The following LHFPL3 variants were observed in gnomAD, a reference collection of about 807,000 sequenced individuals.
LHFPL3 encodes the protein LHFPL tetraspan subfamily member 3.
Under a neutral mutation model 19.3 loss-of-function variants are expected in LHFPL3, and 5 were observed. The ratio of observed to expected loss-of-function variants is 0.26; its 90% CI spans 0.14 to 0.54. The LOEUF (loss-of-function observed/expected upper bound fraction) is 0.54. Among genes scored for constraint, LHFPL3 ranks in the 20% least tolerant of loss-of-function variants. The pLI, the probability that LHFPL3 is intolerant of heterozygous loss-of-function variation, is 0.94. For synonymous variants in LHFPL3, 133 were observed against 126.2 expected (o/e 1.05, Z -0.36); for missense variants, 249 against 307.4 (o/e 0.81, Z 1.42).
intron 1 of LHFPL3, among the ~76,000 whole-genome samples, chr7:104,338,809 G>A (rs1396106669): frequency 6.6e-6 from 1 of 152,016 alleles, no homozygotes; most frequent in Non-Finnish European, 1.5e-5. Flanking sequence ...AAAATGACAT[G>A]GCCCACCTCT....
chr7:104,592,584 T>C (rs367907536), intron 1 of LHFPL3, among the ~76,000 whole-genome samples: 2 of 152,282 alleles, frequency 1.3e-5, no homozygotes, highest in African/African-American at 2.4e-5. Context: ...CTATCTGTTC[T>C]CAGATCTCAA....
At chr7:104,831,462 A>G (rs1374574754) in intron 2 of LHFPL3, among the ~76,000 whole-genome samples, 1 of 152,018 alleles carries the variant, frequency 6.6e-6, no homozygotes, top group Non-Finnish European at 1.5e-5. Flanking sequence ...CTGGAACTAT[A>G]TATGTCAATT....
At chr7:104,737,679 G>C (rs562371698) in intron 2 of LHFPL3, among the ~76,000 whole-genome samples, 75 of 152,232 alleles carry the variant, frequency 4.9e-4, no homozygotes, top group African/African-American at 1.7e-3. Context: ...GAATTTTGGT[G>C]TCTCTGTTTT....
chr7:104,587,696 C>G lies in LHFPL3; in HGVS notation c.446-148979C>G, dbSNP rs542019877. Among the ~76,000 whole-genome samples the G allele has an allele frequency of 1.6e-3, 240 of 152,084 alleles. 2 individuals carry two copies. Among genetic ancestry groups the G allele is most frequent in the African/African-American group, 5.0e-3 (206 of 41,490 alleles). ...TCTAGATCCCTGAGGAATCGCCACACTGACTTCCACAATGGTTGAACTAGT... is the reference window on the plus strand; with the variant it reads ...TCTAGATCCCTGAGGAATCGCCACAGTGACTTCCACAATGGTTGAACTAGT... On this transcript the variant is annotated intron_variant, in intron 1 of 2. Coordinates refer to ENST00000424859, the MANE Select transcript of LHFPL3 (RefSeq NM_199000.3).
At chr7:104,393,990 A>C (rs1433672033) in intron 1 of LHFPL3, among the ~76,000 whole-genome samples, 1 of 152,164 alleles carries the variant, frequency 6.6e-6, no homozygotes, top group African/African-American at 2.4e-5. Context: ...ATTTCTTGGG[A>C]GGCTGATGAG....
chr7:104,440,039 G>GGGGC (rs1554394369), intron 1 of LHFPL3, among the ~76,000 whole-genome samples: 16 of 88,224 alleles, frequency 1.8e-4, no homozygotes, highest in African/African-American at 1.1e-3. Flanking sequence ...AAAGCCTGGG[G>GGGGC]GGGGGGAGGG....
intron 1 of LHFPL3, chr7:104,668,639 A>G (rs189528550): frequency 1.5e-5 from 24 of 1,612,394 alleles, no homozygotes; most frequent in African/African-American, 1.3e-4. Context: ...ATGAAGACCA[A>G]TATGACAGAC....
In LHFPL3 at chr7:104,696,445, GGTGT is replaced by G. The variant is rs5886329; in HGVS notation, c.446-40206_446-40203del. On this transcript the variant is annotated intron_variant, in intron 1 of 2. Transcript: ENST00000424859. ...AACAGAAAAATAAAAAGTGTTACTA[GGTGT>G]GTGTGTGTGTGTGTGTGTGTGTGCT... Among the ~76,000 whole-genome samples, 1,446 of 149,980 alleles carry G rather than the reference GGTGT, an allele frequency of 9.6e-3. 22 individuals carry two copies. Among genetic ancestry groups the G allele is most frequent in the East Asian group, 0.038 (193 of 5,096 alleles).
intron 1 of LHFPL3, among the ~76,000 whole-genome samples, chr7:104,391,903 C>A (rs1489596198): frequency 6.6e-6 from 1 of 152,134 alleles, no homozygotes; most frequent in Non-Finnish European, 1.5e-5. Flanking sequence ...TCCTTCACAT[C>A]CCTTGTAAGT....
chr7:104,544,659 AGTTCC>A (rs1794546774), intron 1 of LHFPL3, among the ~76,000 whole-genome samples: 1 of 152,182 alleles, frequency 6.6e-6, no homozygotes, highest in Non-Finnish European at 1.5e-5. Context: ...CCCATAGGTC[AGTTCC>A]TCTCCACTCA....
At chr7:104,598,055 G>A (rs1790897360) in intron 1 of LHFPL3, among the ~76,000 whole-genome samples, 1 of 152,086 alleles carries the variant, frequency 6.6e-6, no homozygotes, top group Admixed American at 6.5e-5. Context: ...TGGGGACAAT[G>A]TCCCAAAGAA....
At chr7:104,729,949 A>G (rs992033912) in intron 1 of LHFPL3, among the ~76,000 whole-genome samples, 1 of 150,912 alleles carries the variant, frequency 6.6e-6, no homozygotes, top group Admixed American at 6.6e-5. Flanking sequence ...CCTGTGTCCA[A>G]GTGTTCTCAT....
intron 1 of LHFPL3, among the ~76,000 whole-genome samples, chr7:104,524,616 C>T (rs1201672463): frequency 6.6e-6 from 1 of 152,202 alleles, no homozygotes; most frequent in African/African-American, 2.4e-5. Context: ...TCCTGATAGA[C>T]TGACTCACAG....
At chr7:104,511,882 T>C (rs568391645) in intron 1 of LHFPL3, among the ~76,000 whole-genome samples, 1 of 152,026 alleles carries the variant, frequency 6.6e-6, no homozygotes, top group African/African-American at 2.4e-5. Context: ...TCTAAGTATG[T>C]CCTCTGAGAA....
intron 2 of LHFPL3, among the ~76,000 whole-genome samples, chr7:104,891,721 C>T (rs1792249898): frequency 6.6e-6 from 1 of 152,156 alleles, no homozygotes; most frequent in Non-Finnish European, 1.5e-5. Context: ...AGAAGAATGT[C>T]CTATTATAGT....
At chr7:104,392,180 T>C (rs970439377) in intron 1 of LHFPL3, among the ~76,000 whole-genome samples, 3 of 151,968 alleles carry the variant, frequency 2.0e-5, no homozygotes, top group Admixed American at 1.3e-4. Context: ...CCTTTATTTC[T>C]TTCTCCTGCC....
intron 1 of LHFPL3, among the ~76,000 whole-genome samples, chr7:104,418,495 G>C (rs1432302334): frequency 2.0e-5 from 3 of 152,142 alleles, no homozygotes; most frequent in African/African-American, 7.2e-5. Context: ...TTGCACCACT[G>C]CACTCCAGCC....
At chr7:104,831,147 C>T (rs1584562004) in intron 2 of LHFPL3, among the ~76,000 whole-genome samples, 1 of 152,018 alleles carries the variant, frequency 6.6e-6, no homozygotes, top group South Asian at 2.1e-4. Flanking sequence ...ACCACATTCA[C>T]CTTTACAAAT....
rs1377122610 is a variant in LHFPL3 at position 104,710,479 on chromosome 7, AC to A, written c.446-26195del. Among the ~76,000 whole-genome samples the A allele has an allele frequency of 7.2e-5, 11 of 152,274 alleles. No homozygotes were observed. In the South Asian group the frequency reaches 8.3e-4, roughly 11 times the overall value. On this transcript the variant is annotated intron_variant, in intron 1 of 2. Coordinates refer to ENST00000424859, the MANE Select transcript of LHFPL3 (RefSeq NM_199000.3). ...ACTCCCGGTTGGATATTCTAATTTT[AC>A]TGTCAGAGGAAAGCTCTGTATTTCC... is the stretch of plus-strand genomic sequence containing the variant.
Sources: gnomAD v4.1 joint callset for allele counts (sites outside exome capture counted in the v4.1 genomes callset) on GRCh38, gnomAD v4.1.1 for gene constraint, MANE v1.5 for transcripts, NCBI Gene and HGNC (gene_info 2026-07-23, HGNC 2026-07-21) for gene names.